Variants in ZNF248 observed in about 807,000 individuals in gnomAD.
ZNF248 encodes KRAB protein domain.
In ZNF248, 20 loss-of-function variants were observed where a neutral mutation model predicts 44.3. The ratio of observed to expected loss-of-function variants is 0.45; its 90% CI spans 0.32 to 0.66. ZNF248 has a LOEUF of 0.66. ZNF248 is among the 30% of genes least tolerant of loss of function. ZNF248 has a pLI of 0.04. For synonymous variants in ZNF248, 224 were observed against 229.0 expected, an observed-to-expected ratio of 0.98 and a Z score of 0.20; for missense variants, 654 against 677.0, an observed-to-expected ratio of 0.97 and a Z score of 0.38.
chr10:37,796,772 T>G (rs952758378), intron 6 of ZNF248, among the ~76,000 whole-genome samples: 1 of 152,138 alleles, frequency 6.6e-6, no homozygotes, highest in Non-Finnish European at 1.5e-5. Context: ...TTCACACATC[T>G]GTAGTTTCTA....
chr10:37,819,590 A>G, intron 6 of ZNF248: 2 of 872,298 alleles, frequency 2.3e-6, no homozygotes, highest in Non-Finnish European at 2.0e-6. Flanking sequence ...TTCATTATGT[A>G]TCCTTTTTAG....
chr10:37,854,727 G>A (rs987225643), intron 3 of ZNF248, among the ~76,000 whole-genome samples: 1 of 152,210 alleles, frequency 6.6e-6, no homozygotes, highest in African/African-American at 2.4e-5. Flanking sequence ...AATTATAAAT[G>A]TACAAGGTTA....
intron 5 of ZNF248, among the ~76,000 whole-genome samples, chr10:37,835,361 G>A (rs1336690011): frequency 2.6e-5 from 4 of 152,186 alleles, no homozygotes; most frequent in African/African-American, 7.2e-5. Context: ...ATTCAAGATA[G>A]CAGTAACATG....
chr10:37,772,746 T>C (rs569910982), downstream of ZNF248, among the ~76,000 whole-genome samples: 2 of 152,332 alleles, frequency 1.3e-5, no homozygotes, highest in African/African-American at 4.8e-5. Context: ...AGGGAATTTA[T>C]TCCTGTTCAT....
chr10:37,831,885 T>C lies in ZNF248; in HGVS notation c.1470A>G (p.Lys490=), dbSNP rs772395392. The change falls in exon 6 of 6, where the codon AAA becomes AAG. Residue 490 remains lysine, a synonymous_variant. Coordinates refer to ENST00000395867, the MANE Select transcript of ZNF248 (RefSeq NM_021045.3). The stretch of plus-strand genomic sequence containing the variant: ...TTCCACATTCATTACATATAAACGG[T>C]TTCTCCCCTGTGTGTGTTCTCTGAT... ...TVHQRTHTGE[K]PFICNECGKS... is the part of the protein sequence containing the mutation. The C allele has an allele frequency of 6.2e-7, 1 of 1,613,906 alleles. No homozygotes were observed. Among genetic ancestry groups the C allele is most frequent in the East Asian group, 2.2e-5 (1 of 44,868 alleles).
At chr10:37,845,944 C>T (rs369103964) in intron 3 of ZNF248, among the ~76,000 whole-genome samples, 8 of 152,248 alleles carry the variant, frequency 5.3e-5, no homozygotes, top group Non-Finnish European at 8.8e-5. Flanking sequence ...AGAACATGCA[C>T]GCACTGCTGC....
intron 6 of ZNF248, among the ~76,000 whole-genome samples, chr10:37,782,569 G>T (rs1158227180): frequency 6.6e-6 from 1 of 152,048 alleles, no homozygotes; most frequent in Non-Finnish European, 1.5e-5. Context: ...TGGAAATAGG[G>T]TATTTTCAGA....
chr10:37,768,629 G>C, the ZNF248 span, among the ~76,000 whole-genome samples: 2 of 152,284 alleles, frequency 1.3e-5, no homozygotes, highest in East Asian at 3.9e-4. Context: ...GCAGTGTGTA[G>C]AGGGAAATTT....
downstream of ZNF248, among the ~76,000 whole-genome samples, chr10:37,772,080 C>T (rs1189942829): frequency 1.3e-5 from 2 of 152,134 alleles, no homozygotes; most frequent in African/African-American, 4.8e-5. Context: ...GCATGACCAA[C>T]ATGGTGAAAC....
In ZNF248 at chr10:37,833,053, C is replaced by G. The variant is rs746440698; in HGVS notation, c.302G>C (p.Trp101Ser). The G allele has an allele frequency of 6.2e-7, 1 of 1,610,194 alleles. No individual in the cohort carries two copies. The highest frequency in any genetic ancestry group is 8.5e-7 in the Non-Finnish European group (1 of 1,178,878). The stretch of plus-strand genomic sequence containing the variant: ...TTTGTTGTTGTGGAATAGAAGCTCC[C>G]AAAAATGGTCATCTTCATTTTCCTG... ...SSQENEDDHF[W>S]ELLFHNNKTV... The change falls in exon 6 of 6, where the codon TGG becomes TCG. Residue 101 changes from tryptophan to serine, a missense_variant. Coordinates refer to ENST00000395867, the MANE Select transcript of ZNF248 (RefSeq NM_021045.3).
At chr10:37,821,768 G>A (rs1052909222) in intron 6 of ZNF248, among the ~76,000 whole-genome samples, 1 of 152,126 alleles carries the variant, frequency 6.6e-6, no homozygotes, top group African/African-American at 2.4e-5. Flanking sequence ...AACACAAGAC[G>A]CTAATGGATT....
At chr10:37,775,158 T>A (rs2046483989), downstream of ZNF248, among the ~76,000 whole-genome samples, 1 of 152,330 alleles carries the variant, frequency 6.6e-6, no homozygotes, top group Non-Finnish European at 1.5e-5. Context: ...ATAATTACAG[T>A]TATACAACAC....
rs1230764206 is a variant in ZNF248, at chr10:37,829,228, T to G, written c.*2387A>C. 30 of 985,490 alleles carry G rather than the reference T, an allele frequency of 3.0e-5. No homozygotes were observed. Among genetic ancestry groups the G allele is most frequent in the Non-Finnish European group, 3.6e-5 (30 of 829,970 alleles). 61.0% of individuals were successfully genotyped at this position (985,490 alleles called of 1,614,324 possible). Reference sequence around the variant, plus strand: ...CCTCCTTCATGACAGCAGTTCTTACTGGGCTCTGGTAACACTGTTTCCCTC... The same window carrying G: ...CCTCCTTCATGACAGCAGTTCTTACGGGGCTCTGGTAACACTGTTTCCCTC... On this transcript the variant is annotated 3_prime_UTR_variant, in exon 6 of 6. Coordinates refer to ENST00000395867, the MANE Select transcript of ZNF248 (RefSeq NM_021045.3).
At chr10:37,853,807 C>T (rs1274469882) in intron 3 of ZNF248, among the ~76,000 whole-genome samples, 1 of 151,916 alleles carries the variant, frequency 6.6e-6, no homozygotes, top group Non-Finnish European at 1.5e-5. Context: ...AAAAAAATGA[C>T]GAATCTGTCA....
At chr10:37,801,623 C>CA (rs2049848319) in intron 6 of ZNF248, among the ~76,000 whole-genome samples, 1 of 151,950 alleles carries the variant, frequency 6.6e-6, no homozygotes. Context: ...AATTTGTTTA[C>CA]AAAAAACCCA....
At chr10:37,779,318 G>A (rs1260075847) in intron 6 of ZNF248, among the ~76,000 whole-genome samples, 1 of 152,186 alleles carries the variant, frequency 6.6e-6, no homozygotes, top group African/African-American at 2.4e-5. Flanking sequence ...TATCCACCAT[G>A]ATCAAGTGGG....
chr10:37,810,803 C>T (rs547182148), intron 6 of ZNF248, among the ~76,000 whole-genome samples: 84 of 152,110 alleles, frequency 5.5e-4, no homozygotes, highest in African/African-American at 1.6e-3. Flanking sequence ...TGTTAACAGA[C>T]GTGAAGAGGT....
At chr10:37,804,890 GATA>G (rs2050342783) in intron 6 of ZNF248, among the ~76,000 whole-genome samples, 1 of 152,074 alleles carries the variant, frequency 6.6e-6, no homozygotes, top group South Asian at 2.1e-4. Flanking sequence ...ATTGTATAAT[GATA>G]ATAAACATTA....
At chr10:37,835,508 C>G (rs1305892140) in intron 5 of ZNF248, among the ~76,000 whole-genome samples, 1 of 152,198 alleles carries the variant, frequency 6.6e-6, no homozygotes, top group East Asian at 1.9e-4. Context: ...CTACTCTCAC[C>G]TACATACAAT....
Sources: allele counts gnomAD v4.1 joint callset (sites outside exome capture counted in the v4.1 genomes callset), GRCh38; gene constraint gnomAD v4.1.1; transcripts MANE v1.5; gene names NCBI Gene and HGNC (gene_info 2026-07-23, HGNC 2026-07-21).